TTI2: variants seen among roughly 807,000 people sequenced by gnomAD.
TTI2 encodes the protein TELO2 interacting protein 2, also known as TELO2-interacting protein 2.
TTI2 carries 26 observed loss-of-function variants against 44.9 expected under a neutral mutation model. That is an observed-to-expected ratio of 0.58 (90% CI 0.42 to 0.80). TTI2 has a LOEUF of 0.80. TTI2 is among the 30% of genes least tolerant of loss of function. The pLI is 0.00. For synonymous variants in TTI2, 254 were observed against 250.9 expected, an observed-to-expected ratio of 1.01 and a Z score of -0.12; for missense variants, 582 against 611.6, an observed-to-expected ratio of 0.95 and a Z score of 0.51.
chr8:33,500,355 C>T lies in TTI2; in HGVS notation c.1395G>A (p.Leu465=). ...LQEATDCLIL[L]DRCSQGRVKG... ...TTACCCGTCCTTGAGAACAGCGGTC[C>T]AGGAGAATCAGGCAGTCTGTGGCCT... The change falls in exon 7 of 8, where the codon CTG becomes CTA. Residue 465 remains leucine (L), a synonymous_variant. Coordinates refer to ENST00000431156, the MANE Select transcript of TTI2 (RefSeq NM_001102401.4). 6.2e-7 allele frequency: 1 copy of T among 1,614,124 alleles called. No individual in the cohort carries two copies. Among genetic ancestry groups the T allele is most frequent in the Non-Finnish European group, 8.5e-7 (1 of 1,180,026 alleles).
At position 33,512,186 on chromosome 8, in the gene TTI2, A is replaced by T. The variant is rs369696937; in HGVS notation, c.428T>A (p.Leu143Gln). 5 of 1,614,214 alleles carry T rather than the reference A, an allele frequency of 3.1e-6. No individual in the cohort carries two copies. The highest frequency in any genetic ancestry group is 4.2e-6 in the Non-Finnish European group (5 of 1,180,042). Residue 143 changes from leucine to glutamine, a missense_variant, in exon 2 of 8, where the codon CTG (leucine) becomes CAG (glutamine). By Grantham distance (113) the Leu-to-Gln change is moderately radical. Transcript: ENST00000431156. ...SLVGPAWQTG[L>Q]HHLAGPVYIF... ...ATAAACGGGTCCTGCCAAGTGATGC[A>T]GGCCCGTCTGCCATGCAGGGCCGAC...
At position 33,499,167 on chromosome 8, in the gene TTI2, C is replaced by CA. The variant is rs1197864026; in HGVS notation, c.*5dup. 6.2e-7 allele frequency: 1 copy of CA among 1,608,028 alleles called. No homozygotes were observed. On this transcript the variant is annotated 3_prime_UTR_variant, in exon 8 of 8. Transcript: ENST00000431156. The stretch of plus-strand genomic sequence containing the variant: ...ATCCTTTCCTCTTGGGAAAGTAATA[C>CA]AAGTCTTAAGTTCCATTGTAGGGTG...
intron 4 of TTI2, among the ~76,000 whole-genome samples, chr8:33,504,838 C>G (rs940262194): frequency 2.0e-5 from 3 of 152,118 alleles, no homozygotes; most frequent in African/African-American, 7.2e-5. Context: ...TTTTGGTTTT[C>G]TAAAATTTAT....
At chr8:33,503,029 T>C (rs1198876078) in intron 6 of TTI2, among the ~76,000 whole-genome samples, 1 of 148,586 alleles carries the variant, frequency 6.7e-6, no homozygotes, top group Non-Finnish European at 1.5e-5. Context: ...CTTGGGAGAC[T>C]GAGGTAGGAG....
Position 33,509,838 on chromosome 8 carries a change from C to T in TTI2, c.742G>A (p.Val248Ile). ...GAAATGACCAATGATGCGGGAAGTA[C>T]CCTTTCCAGATGCTGGCTCAGCCAG... ...RPWLSQHLER[V>I]LPASLVISDD... The change falls in exon 3 of 8, where the codon GTA becomes ATA. Residue 248 changes from valine (V) to isoleucine (I), a missense_variant. By Grantham distance (29) the Val-to-Ile change is conservative. Coordinates refer to ENST00000431156, the MANE Select transcript of TTI2 (RefSeq NM_001102401.4). 1.9e-6 allele frequency: 3 copies of T among 1,614,094 alleles called. No homozygotes were observed. Among genetic ancestry groups the T allele is most frequent in the Non-Finnish European group, 2.5e-6 (3 of 1,179,988 alleles).
chr8:33,509,558 C>CAT, intron 3 of TTI2, among the ~76,000 whole-genome samples, 188 bp downstream of exon 3: 1 of 151,334 alleles, frequency 6.6e-6, no homozygotes, highest in Non-Finnish European at 1.5e-5. Flanking sequence ...CCTGTTTCTT[C>CAT]TATAATTATC....
intron 3 of TTI2, among the ~76,000 whole-genome samples, chr8:33,508,728 T>G (rs960640666): frequency 6.6e-6 from 1 of 151,924 alleles, no homozygotes; most frequent in African/African-American, 2.4e-5. Flanking sequence ...CTTCTGTGTA[T>G]ATTTTAAAAG....
intron 4 of TTI2, among the ~76,000 whole-genome samples, chr8:33,506,134 C>T (rs1809284505): frequency 6.6e-6 from 1 of 152,126 alleles, no homozygotes; most frequent in Admixed American, 6.6e-5. Flanking sequence ...TCATTCTGTA[C>T]TGTATATATA....
intron 5 of TTI2, 60 bp downstream of exon 5, chr8:33,503,688 A>G (rs1033208448): frequency 6.2e-7 from 1 of 1,610,162 alleles, no homozygotes; most frequent in Non-Finnish European, 8.5e-7. Flanking sequence ...GAGCAGCTCA[A>G]GCAACATAGC....
At chr8:33,499,476 C>T (rs182386637) in intron 7 of TTI2, 199 bp from the exon 8 acceptor site, 204 of 513,116 alleles carry the variant, frequency 4.0e-4, no homozygotes, top group African/African-American at 3.8e-3. Flanking sequence ...ATTGAAGGTG[C>T]TACTTTAAAA....
chr8:33,506,136 G>GTA (rs1809284786), intron 4 of TTI2, among the ~76,000 whole-genome samples: 1 of 152,060 alleles, frequency 6.6e-6, no homozygotes, highest in African/African-American at 2.4e-5. Flanking sequence ...ATTCTGTACT[G>GTA]TATATATATG....
Position 33,512,445 on chromosome 8 carries a change from C to A in TTI2, c.169G>T (p.Asp57Tyr), listed in dbSNP as rs1307893001. 1.9e-6 allele frequency: 3 copies of A among 1,614,096 alleles called. No individual in the cohort carries two copies. The highest frequency in any genetic ancestry group is 8.5e-7 in the Non-Finnish European group (1 of 1,179,962). The change falls in exon 2 of 8, where the codon GAT becomes TAT. Residue 57 changes from aspartate to tyrosine, a missense_variant. Asp to Tyr is a radical substitution (Grantham distance 160). Transcript: ENST00000431156. ...VKDAVLKDLG[D>Y]LIEATEFDRL... Reference sequence around the variant, plus strand: ...TCAAATTCTGTGGCTTCTATTAGATCACCGAGGTCTTTAAGAACTGCATCT... The same window carrying A: ...TCAAATTCTGTGGCTTCTATTAGATAACCGAGGTCTTTAAGAACTGCATCT...
In TTI2 at chr8:33,498,986, G is replaced by C; in HGVS notation, c.*187C>G. 1.6e-6 allele frequency: 1 copy of C among 607,812 alleles called. No homozygotes were observed. Among genetic ancestry groups the C allele is most frequent in the Non-Finnish European group, 2.9e-6 (1 of 346,662 alleles). 37.7% of individuals were successfully genotyped at this position (607,812 alleles called of 1,614,324 possible). On this transcript the variant is annotated 3_prime_UTR_variant, in exon 8 of 8. Coordinates refer to ENST00000431156, the MANE Select transcript of TTI2 (RefSeq NM_001102401.4). ...TTCTCCCAAACTTTATTTAGAAATG[G>C]AAGGAGTTCAATTTTTTCTTGTTCT...
At position 33,503,838 on chromosome 8, in the gene TTI2, A is replaced by ACCT. The variant is rs1308218488; in HGVS notation, c.1022_1024dup (p.Glu341dup). On this transcript the variant is annotated inframe_insertion, in exon 5 of 8. Coordinates refer to ENST00000431156, the MANE Select transcript of TTI2 (RefSeq NM_001102401.4). Reference sequence around the variant, plus strand: ...CATGTGGGTCAGGATCAGCCGCAGGACCTCATCACAATGGGTGGTGGGTCG... The same window carrying ACCT: ...CATGTGGGTCAGGATCAGCCGCAGGACCTCCTCATCACAATGGGTGGTGGGTCG... 6.2e-7 allele frequency: 1 copy of ACCT among 1,614,090 alleles called. No homozygotes were observed. Among genetic ancestry groups the ACCT allele is most frequent in the Admixed American group, 1.7e-5 (1 of 60,004 alleles).
chr8:33,505,725 C>T (rs1183529624), intron 4 of TTI2, among the ~76,000 whole-genome samples: 3 of 152,166 alleles, frequency 2.0e-5, no homozygotes, highest in Non-Finnish European at 4.4e-5. Flanking sequence ...GCGATCTTGG[C>T]TCACCGCAAC....
chr8:33,502,651 C>T (rs1267593228), intron 6 of TTI2, among the ~76,000 whole-genome samples: 1 of 151,802 alleles, frequency 6.6e-6, no homozygotes, highest in East Asian at 1.9e-4. Flanking sequence ...GGTGAAACAC[C>T]ATCTCTACTA....
At chr8:33,508,251 G>A (rs992336304) in intron 3 of TTI2, among the ~76,000 whole-genome samples, 7 of 151,704 alleles carry the variant, frequency 4.6e-5, no homozygotes, top group Non-Finnish European at 7.4e-5. Context: ...GTTTCCTCTT[G>A]CTAATCTGCC....
intron 6 of TTI2, among the ~76,000 whole-genome samples, chr8:33,502,097 C>T (rs535903405): frequency 2.0e-5 from 3 of 152,192 alleles, no homozygotes; most frequent in East Asian, 3.9e-4. Context: ...GTGCGCGCCA[C>T]CATGCCCGGC....
At chr8:33,510,034 T>A in intron 2 of TTI2, 102 bp from the exon 3 acceptor site, 1 of 935,078 alleles carries the variant, frequency 1.1e-6, no homozygotes. Context: ...TTCATGTCTT[T>A]GAAAAAAAAA....
Sources: gnomAD v4.1 joint callset for allele counts (sites outside exome capture counted in the v4.1 genomes callset) on GRCh38, gnomAD v4.1.1 for gene constraint, MANE v1.5 for transcripts, NCBI Gene and HGNC (gene_info 2026-07-23, HGNC 2026-07-21) for gene names.